DLGAP2: variants seen among roughly 807,000 people sequenced by gnomAD.
DLGAP2 encodes DLG associated protein 2.
In DLGAP2, 26 loss-of-function variants were observed where a neutral mutation model predicts 100.3. The observed-to-expected ratio is 0.26, with a 90% CI of 0.19 to 0.36. DLGAP2 has a LOEUF of 0.36. Ranked by LOEUF, DLGAP2 falls within the 10% of genes least tolerant of loss-of-function variation. The pLI is 1.00. For synonymous variants in DLGAP2, 886 were observed against 630.1 expected (o/e 1.41, Z -6.08); for missense variants, 1,858 against 1,453.2 (o/e 1.28, Z -4.53).
In DLGAP2 at chr8:1,707,154, A is replaced by C. The variant is rs1326949132; in HGVS notation, c.*5748A>C. On this transcript the variant is annotated 3_prime_UTR_variant, in exon 15 of 15. Coordinates refer to ENST00000637795, the MANE Select transcript of DLGAP2 (RefSeq NM_001346810.2). ...TCCCTACTTTCTTAGATTTTATGTA[A>C]CTCTTTTCATTGGTGCTTATTCAGA... The C allele has an allele frequency of 6.6e-6, 1 of 152,526 alleles. No individual in the cohort carries two copies. The highest frequency in any genetic ancestry group is 1.5e-5 in the Non-Finnish European group (1 of 68,032). The allele number at this position is 152,526 out of a possible 1,614,324, so 9.4% of individuals were successfully genotyped here.
At chr8:1,222,273 G>T (rs1376186312) in intron 2 of DLGAP2, among the ~76,000 whole-genome samples, 2 of 152,096 alleles carry the variant, frequency 1.3e-5, no homozygotes, top group Non-Finnish European at 2.9e-5. Flanking sequence ...TATATTCTTT[G>T]ATGCCCTTGC....
chr8:1,507,955 C>T (rs1799992231), intron 4 of DLGAP2, among the ~76,000 whole-genome samples: 1 of 150,594 alleles, frequency 6.6e-6, no homozygotes, highest in Admixed American at 6.6e-5. Context: ...CCCACTGTGA[C>T]ATCAAACACG....
intron 2 of DLGAP2, among the ~76,000 whole-genome samples, chr8:1,117,755 G>T (rs80036393): frequency 1.3e-5 from 2 of 152,120 alleles, no homozygotes; most frequent in African/African-American, 2.4e-5. Flanking sequence ...CCCCCAGGGG[G>T]CTCCCCCAGG....
At chr8:846,986 A>G (rs1797083631) in intron 1 of DLGAP2, among the ~76,000 whole-genome samples, 1 of 152,202 alleles carries the variant, frequency 6.6e-6, no homozygotes, top group African/African-American at 2.4e-5. Flanking sequence ...TACTAAGCTT[A>G]TATATCCTTA....
chr8:1,221,608 G>C (rs1039829656), intron 2 of DLGAP2, among the ~76,000 whole-genome samples: 1 of 152,024 alleles, frequency 6.6e-6, no homozygotes, highest in Non-Finnish European at 1.5e-5. Flanking sequence ...TCTCTCAGGG[G>C]TTCTCTGAAT....
intron 2 of DLGAP2, among the ~76,000 whole-genome samples, chr8:1,212,600 C>G: frequency 6.6e-6 from 1 of 152,172 alleles, no homozygotes; most frequent in East Asian, 1.9e-4. Flanking sequence ...AATGAGGAGG[C>G]AGACGTGGTC....
chr8:1,206,905 C>G (rs958500703), intron 2 of DLGAP2, among the ~76,000 whole-genome samples: 5 of 152,144 alleles, frequency 3.3e-5, no homozygotes, highest in African/African-American at 1.2e-4. Context: ...GCCCCCGGCC[C>G]CGTCTCCATC....
chr8:1,024,925 C>G lies in DLGAP2; in HGVS notation c.73+116959C>G, dbSNP rs577996545. 2.0e-5 allele frequency among the ~76,000 whole-genome samples: 3 copies of G among 152,322 alleles called. No individual in the cohort carries two copies. In the East Asian group the frequency reaches 5.8e-4, roughly 29 times the overall value. ...GGATAGAACCTTGGCGTGGCAGAGT[C>G]TGGAATGACGGACAGAGGTGTTGGT... On this transcript the variant is annotated intron_variant, in intron 2 of 14. Coordinates refer to ENST00000637795, the MANE Select transcript of DLGAP2 (RefSeq NM_001346810.2).
intron 2 of DLGAP2, among the ~76,000 whole-genome samples, chr8:1,068,177 A>T (rs1176028681): frequency 1.3e-5 from 2 of 152,126 alleles, no homozygotes; most frequent in Admixed American, 6.5e-5. Flanking sequence ...CCACTGTCTG[A>T]ATGCTCATAG....
In DLGAP2 at chr8:1,707,188, GCCTTGGGCAT is replaced by G. The variant is rs1799730906; in HGVS notation, c.*5785_*5794del. 1 of 152,574 alleles carries G rather than the reference GCCTTGGGCAT, an allele frequency of 6.6e-6. No homozygotes were observed. The highest frequency in any genetic ancestry group is 6.5e-5 in the Admixed American group (1 of 15,268). 9.5% of individuals were successfully genotyped at this position (152,574 alleles called of 1,614,324 possible). A position where few individuals can be genotyped will look rare whatever the true frequency, so the allele number is the denominator to read the frequency against. On this transcript the variant is annotated 3_prime_UTR_variant, in exon 15 of 15. Transcript: ENST00000637795. ...ATTGGTGCTTATTCAGAACCTGAAA[GCCTTGGGCAT>G]CCAAGCTTTCACCTACTCAATGGAG...
At chr8:1,208,289 G>A (rs996816589) in intron 2 of DLGAP2, among the ~76,000 whole-genome samples, 12 of 152,234 alleles carry the variant, frequency 7.9e-5, no homozygotes, top group Middle Eastern at 3.4e-3. Context: ...GTGGCTTGCC[G>A]ATTATCCCAG....
intron 3 of DLGAP2, among the ~76,000 whole-genome samples, chr8:1,392,193 A>G (rs1485950534): frequency 6.6e-6 from 1 of 152,148 alleles, no homozygotes; most frequent in African/African-American, 2.4e-5. Context: ...CTCGGGTGCC[A>G]TTGGAACACC....
chr8:1,267,489 G>A (rs1799480133), intron 3 of DLGAP2, among the ~76,000 whole-genome samples: 2 of 149,786 alleles, frequency 1.3e-5, no homozygotes, highest in African/African-American at 4.9e-5. Flanking sequence ...AACCCAGGAG[G>A]TGGAGGTTGC....
chr8:1,250,940 A>G (rs1033294310), intron 2 of DLGAP2, among the ~76,000 whole-genome samples: 1 of 152,314 alleles, frequency 6.6e-6, no homozygotes, highest in Middle Eastern at 3.4e-3. Context: ...TAAGGGATGC[A>G]AGCACAGTTG....
At chr8:1,360,906 C>T (rs929822600) in intron 3 of DLGAP2, among the ~76,000 whole-genome samples, 11 of 152,222 alleles carry the variant, frequency 7.2e-5, no homozygotes, top group African/African-American at 1.4e-4. Flanking sequence ...CACGTGAACA[C>T]GGTTTCTCGC....
At chr8:1,685,575 C>T (rs929106460) in intron 12 of DLGAP2, among the ~76,000 whole-genome samples, 3 of 152,016 alleles carry the variant, frequency 2.0e-5, no homozygotes, top group African/African-American at 7.2e-5. Context: ...ACTAAATGGT[C>T]ATGGGGAAAT....
At position 1,054,912 on chromosome 8, in the gene DLGAP2, C is replaced by G. The variant is rs554530086; in HGVS notation, c.73+146946C>G. On this transcript the variant is annotated intron_variant, in intron 2 of 14. Coordinates refer to ENST00000637795, the MANE Select transcript of DLGAP2 (RefSeq NM_001346810.2). ...GTTTGTTTTATAAAAAGCACTAGAACAAAATAATAACAGCCTTCATAGACA... is the reference window on the plus strand; with the variant it reads ...GTTTGTTTTATAAAAAGCACTAGAAGAAAATAATAACAGCCTTCATAGACA... Among the ~76,000 whole-genome samples the G allele has an allele frequency of 9.2e-5, 14 of 152,270 alleles. No homozygotes were observed. The South Asian group carries it at 1.2e-3, about 14-fold the overall frequency.
At chr8:1,237,365 GCGCCGTGTCTGTTTCTCT>G in intron 2 of DLGAP2, among the ~76,000 whole-genome samples, 1 of 85,900 alleles carries the variant, frequency 1.2e-5, no homozygotes, top group Non-Finnish European at 2.2e-5. Flanking sequence ...CTCTCACATG[GCGCCGTGTCTGTTTCTCT>G]CACATGGCGC....
chr8:1,276,445 G>A (rs1263022338), intron 3 of DLGAP2, among the ~76,000 whole-genome samples: 1 of 152,128 alleles, frequency 6.6e-6, no homozygotes, highest in African/African-American at 2.4e-5. Flanking sequence ...GGGTGCCGGG[G>A]AGGGAAGGGT....
Sources: allele counts gnomAD v4.1 joint callset (sites outside exome capture counted in the v4.1 genomes callset), GRCh38; gene constraint gnomAD v4.1.1; transcripts MANE v1.5; gene names NCBI Gene and HGNC (gene_info 2026-07-23, HGNC 2026-07-21).